Variants in C10orf67 observed in about 807,000 individuals in gnomAD.
C10orf67 encodes uncharacterized protein C10orf67, mitochondrial.
A neutral mutation model predicts 35.6 loss-of-function variants in C10orf67; 60 were observed. The observed-to-expected ratio is 1.68, with a 90% CI of 1.37 to 2.09. The LOEUF is 2.09. Ranked by LOEUF, C10orf67 falls within the 30% of genes most tolerant of loss-of-function variation. C10orf67 has a pLI of 0.00. For missense variants in C10orf67, 474 were observed against 330.2 expected (o/e 1.44, Z -3.38); for synonymous variants, 167 against 115.8 (o/e 1.44, Z -2.84).
chr10:23,283,259 T>A (rs1459407600), intron 7 of C10orf67, among the ~76,000 whole-genome samples: 1 of 152,198 alleles, frequency 6.6e-6, no homozygotes, highest in Non-Finnish European at 1.5e-5. Flanking sequence ...GGGCCCTTGT[T>A]CCCTTGTGAC....
At chr10:23,337,302 G>A (rs773092880) in intron 1 of C10orf67, among the ~76,000 whole-genome samples, 2 of 152,222 alleles carry the variant, frequency 1.3e-5, no homozygotes, top group Non-Finnish European at 2.9e-5. Context: ...GGGAGGCTGA[G>A]GTGGGTGGGT....
rs572338029 is a variant in C10orf67, at chr10:23,299,897, G to A, written c.702+3407C>T. ...GGAGGCTGAGGCAGGAGAATGGCGC[G>A]AACCCAGGATGTGGAGCTTGCAGTG... On this transcript the variant is annotated intron_variant, in intron 5 of 15. Transcript: ENST00000636213. 7.9e-3 allele frequency among the ~76,000 whole-genome samples: 1,203 copies of A among 151,528 alleles called. 5 individuals carry two copies. The highest frequency in any genetic ancestry group is 0.017 in the Middle Eastern group (5 of 290).
At chr10:23,312,347 G>A (rs1844530682) in intron 4 of C10orf67, among the ~76,000 whole-genome samples, 1 of 152,138 alleles carries the variant, frequency 6.6e-6, no homozygotes, top group African/African-American at 2.4e-5. Flanking sequence ...TTGGCCAAGT[G>A]GAATGAAGGA....
chr10:23,323,244 C>A (rs1298900440), intron 2 of C10orf67, among the ~76,000 whole-genome samples: 2 of 152,182 alleles, frequency 1.3e-5, no homozygotes, highest in African/African-American at 4.8e-5. Context: ...TCTACTAGCA[C>A]AAGCATTTAA....
intron 15 of C10orf67, among the ~76,000 whole-genome samples, chr10:23,214,076 C>T (rs1391948155): frequency 6.6e-6 from 1 of 151,566 alleles, no homozygotes; most frequent in Non-Finnish European, 1.5e-5. Context: ...GAATTTAAGA[C>T]ATCAAAGAAT....
chr10:23,262,356 AG>A (rs1480394882), intron 10 of C10orf67, among the ~76,000 whole-genome samples: 1 of 75,802 alleles, frequency 1.3e-5, no homozygotes, highest in Non-Finnish European at 2.5e-5. Context: ...ATGTTAGGGG[AG>A]GGGGGTGGGG....
intron 1 of C10orf67, among the ~76,000 whole-genome samples, chr10:23,342,387 C>T (rs191223223): frequency 4.7e-4 from 71 of 152,236 alleles, no homozygotes; most frequent in Non-Finnish European, 9.0e-4. Context: ...CCACAAAGGC[C>T]GGGCTTTCGT....
intron 8 of C10orf67, among the ~76,000 whole-genome samples, chr10:23,271,737 G>A (rs1843030324): frequency 6.6e-6 from 1 of 152,144 alleles, no homozygotes; most frequent in Non-Finnish European, 1.5e-5. Context: ...TAAAGTGCCT[G>A]TTCAAATAGC....
At chr10:23,292,369 T>C (rs1351490411) in intron 5 of C10orf67, among the ~76,000 whole-genome samples, 1 of 152,086 alleles carries the variant, frequency 6.6e-6, no homozygotes, top group East Asian at 1.9e-4. Flanking sequence ...AAAATATTAT[T>C]ATGCCAAAGG....
At chr10:23,285,057 A>T (rs1353736958) in intron 7 of C10orf67, among the ~76,000 whole-genome samples, 1 of 152,212 alleles carries the variant, frequency 6.6e-6, no homozygotes, top group African/African-American at 2.4e-5. Flanking sequence ...ATCAGCTGTC[A>T]TTTGTTCAAC....
At chr10:23,247,917 T>C (rs1168363079) in intron 12 of C10orf67, among the ~76,000 whole-genome samples, 1 of 152,132 alleles carries the variant, frequency 6.6e-6, no homozygotes, top group Non-Finnish European at 1.5e-5. Flanking sequence ...TTTGTTGAAG[T>C]AAGGAGCAGT....
At chr10:23,210,271 C>A (rs1307059275) in intron 15 of C10orf67, among the ~76,000 whole-genome samples, 6 of 151,908 alleles carry the variant, frequency 3.9e-5, no homozygotes, top group Non-Finnish European at 8.8e-5. Flanking sequence ...GCAGAGGAAG[C>A]AAAGGAGAGA....
chr10:23,217,288 A>G (rs970306730), intron 15 of C10orf67, among the ~76,000 whole-genome samples: 8 of 152,122 alleles, frequency 5.3e-5, no homozygotes, highest in Non-Finnish European at 8.8e-5. Context: ...TATTCCCACA[A>G]TTTCTGAAAT....
intron 8 of C10orf67, among the ~76,000 whole-genome samples, chr10:23,278,527 G>A (rs774792093): frequency 1.3e-5 from 2 of 152,150 alleles, no homozygotes; most frequent in Non-Finnish European, 2.9e-5. Context: ...GGGCAAAACT[G>A]TAGCTCACAG....
chr10:23,293,256 C>T (rs148532136), intron 5 of C10orf67, among the ~76,000 whole-genome samples: 2 of 152,308 alleles, frequency 1.3e-5, no homozygotes, highest in East Asian at 1.9e-4. Flanking sequence ...ACATTAAATA[C>T]GGGGGTTTGT....
intron 10 of C10orf67, among the ~76,000 whole-genome samples, chr10:23,265,205 G>A (rs1394454717): frequency 1.3e-5 from 2 of 152,222 alleles, no homozygotes; most frequent in Non-Finnish European, 2.9e-5. Context: ...CAACAAGCCT[G>A]GCCTTGCTCT....
At chr10:23,240,284 C>T (rs749546817) in intron 12 of C10orf67, among the ~76,000 whole-genome samples, 23 of 152,194 alleles carry the variant, frequency 1.5e-4, no homozygotes, top group Non-Finnish European at 2.9e-4. Flanking sequence ...GCAATGATCA[C>T]CCCTACTGCC....
At chr10:23,280,956 C>A (rs1349992387) in intron 8 of C10orf67, among the ~76,000 whole-genome samples, 1 of 151,948 alleles carries the variant, frequency 6.6e-6, no homozygotes, top group Non-Finnish European at 1.5e-5. Context: ...AAAGCCTGAA[C>A]TTTGGAGGAA....
chr10:23,320,560 G>A (rs1463680611), intron 4 of C10orf67, among the ~76,000 whole-genome samples, 181 bp downstream of exon 4: 1 of 152,174 alleles, frequency 6.6e-6, no homozygotes, highest in Non-Finnish European at 1.5e-5. Context: ...TTTCTGGAAA[G>A]CATTATAATG....
Sources: allele counts gnomAD v4.1 joint callset (sites outside exome capture counted in the v4.1 genomes callset), GRCh38; gene constraint gnomAD v4.1.1; transcripts MANE v1.5; gene names NCBI Gene and HGNC (gene_info 2026-07-23, HGNC 2026-07-21).